Variants in EVA1C observed in about 807,000 individuals in gnomAD.
EVA1C encodes eva-1 homolog C, also known as protein eva-1 homolog C.
Under a neutral mutation model 45.4 loss-of-function variants are expected in EVA1C, and 25 were observed. The observed-to-expected ratio is 0.55, with a 90% CI of 0.40 to 0.77. EVA1C has a LOEUF of 0.77. Among genes scored for constraint, EVA1C ranks in the 30% least tolerant of loss-of-function variants. The pLI is 0.00. For missense variants in EVA1C, 479 were observed against 554.8 expected, an observed-to-expected ratio of 0.86 and a Z score of 1.37; for synonymous variants, 190 against 221.2, an observed-to-expected ratio of 0.86 and a Z score of 1.25.
intron 4 of EVA1C, 42 bp downstream of exon 4, chr21:32,467,890 G>A: frequency 7.1e-7 from 1 of 1,408,344 alleles, no homozygotes. Flanking sequence ...TTCTCTAGAG[G>A]GACAGAATTA....
chr21:32,446,629 C>G (rs1435415701), intron 1 of EVA1C, among the ~76,000 whole-genome samples: 1 of 152,188 alleles, frequency 6.6e-6, no homozygotes, highest in Non-Finnish European at 1.5e-5. Context: ...AGCAGCATGC[C>G]GGAAAGGGTG....
At chr21:32,441,631 C>A (rs2035177618) in intron 1 of EVA1C, among the ~76,000 whole-genome samples, 1 of 151,882 alleles carries the variant, frequency 6.6e-6, no homozygotes, top group East Asian at 1.9e-4. Context: ...CCGAGACAGC[C>A]ACGAAAATCT....
At chr21:32,450,297 G>T (rs547874575) in intron 1 of EVA1C, among the ~76,000 whole-genome samples, 1 of 152,220 alleles carries the variant, frequency 6.6e-6, no homozygotes, top group South Asian at 2.1e-4. Context: ...TCACGTGACA[G>T]TCTGTGGAGC....
At chr21:32,430,876 G>C (rs1173621424) in intron 1 of EVA1C, among the ~76,000 whole-genome samples, 2 of 148,888 alleles carry the variant, frequency 1.3e-5, no homozygotes, top group Non-Finnish European at 2.9e-5. Flanking sequence ...GGGAGGCTGA[G>C]GCACGAAAAT....
At chr21:32,436,673 G>A (rs1466542707) in intron 1 of EVA1C, among the ~76,000 whole-genome samples, 3 of 152,282 alleles carry the variant, frequency 2.0e-5, no homozygotes, top group Non-Finnish European at 4.4e-5. Flanking sequence ...CGCAGACTCC[G>A]TTGTGGACAT....
intron 1 of EVA1C, among the ~76,000 whole-genome samples, chr21:32,449,763 G>A (rs989918416): frequency 2.6e-5 from 4 of 151,622 alleles, no homozygotes; most frequent in Admixed American, 6.6e-5. Context: ...CTGGGATTAC[G>A]GGGGCGTGCC....
intron 1 of EVA1C, among the ~76,000 whole-genome samples, chr21:32,429,535 G>A (rs545292052): frequency 6.8e-4 from 102 of 150,550 alleles, no homozygotes; most frequent in Non-Finnish European, 1.2e-3. Flanking sequence ...TGTATTTTTA[G>A]TAGAGACAGG....
intron 4 of EVA1C, among the ~76,000 whole-genome samples, chr21:32,483,000 C>CTGCA (rs6147483): frequency 6.6e-6 from 1 of 152,106 alleles, no homozygotes; most frequent in Non-Finnish European, 1.5e-5. Flanking sequence ...GGACTACAGG[C>CTGCA]GCACACCATC....
chr21:32,447,416 T>C (rs571490549), intron 1 of EVA1C, among the ~76,000 whole-genome samples: 1 of 152,124 alleles, frequency 6.6e-6, no homozygotes, highest in Non-Finnish European at 1.5e-5. Flanking sequence ...CTAAGGGTCA[T>C]GTGCATATGT....
At chr21:32,426,621 A>G (rs1374204554) in intron 1 of EVA1C, among the ~76,000 whole-genome samples, 1 of 152,066 alleles carries the variant, frequency 6.6e-6, no homozygotes, top group East Asian at 1.9e-4. Context: ...ACTTATCAAG[A>G]TACGCTGGAG....
intron 4 of EVA1C, among the ~76,000 whole-genome samples, chr21:32,492,735 C>T (rs1176538262): frequency 1.3e-5 from 2 of 151,310 alleles, no homozygotes; most frequent in Non-Finnish European, 2.9e-5. Context: ...ACTTTATGAT[C>T]GTGTCCTTCA....
intron 3 of EVA1C, among the ~76,000 whole-genome samples, chr21:32,463,102 C>T (rs1020647213): frequency 3.9e-5 from 6 of 152,192 alleles, no homozygotes; most frequent in African/African-American, 1.4e-4. Flanking sequence ...CAGAATGACC[C>T]ACATAACCCT....
At chr21:32,441,556 T>C (rs2035174203) in intron 1 of EVA1C, among the ~76,000 whole-genome samples, 1 of 151,144 alleles carries the variant, frequency 6.6e-6, no homozygotes, top group Non-Finnish European at 1.5e-5. Context: ...CATGGGACTT[T>C]GGATTTTTCT....
At chr21:32,422,675 CA>C (rs929938489) in intron 1 of EVA1C, among the ~76,000 whole-genome samples, 2 of 152,018 alleles carry the variant, frequency 1.3e-5, no homozygotes, top group African/African-American at 4.8e-5. Context: ...GAGAAACAAA[CA>C]AACAAAAAAC....
Position 32,413,024 on chromosome 21 carries a change from C to A in EVA1C, c.160+11C>A. The A allele has an allele frequency of 7.2e-7, 1 of 1,396,578 alleles. No individual in the cohort carries two copies. Among genetic ancestry groups the A allele is most frequent in the East Asian group, 2.9e-5 (1 of 34,846 alleles). The allele number at this position is 1,396,578 out of a possible 1,614,324, so 86.5% of individuals were successfully genotyped here. On this transcript the variant is annotated intron_variant, in intron 1 of 7. Transcript: ENST00000300255. ...TCACCGACTTCTCTGGTAAGAGCGC[C>A]CTCCCTGGCTGTGTGCCCCCGGCAC...
chr21:32,467,449 C>A (rs1388480983), intron 3 of EVA1C, among the ~76,000 whole-genome samples: 1 of 152,192 alleles, frequency 6.6e-6, no homozygotes, highest in East Asian at 1.9e-4. Context: ...ACGCCAGCAC[C>A]TCTCCTCCAT....
At chr21:32,494,404 G>A (rs775147289) in intron 4 of EVA1C, among the ~76,000 whole-genome samples, 2 of 152,156 alleles carry the variant, frequency 1.3e-5, no homozygotes, top group African/African-American at 4.8e-5. Flanking sequence ...GGTAAAGGTC[G>A]TAAAAGAACC....
intron 7 of EVA1C, 28 bp downstream of exon 7, chr21:32,504,043 A>G: frequency 6.9e-7 from 1 of 1,445,892 alleles, no homozygotes. Flanking sequence ...AGCTTCCTAG[A>G]ATGCTGATGG....
intron 1 of EVA1C, among the ~76,000 whole-genome samples, chr21:32,418,805 G>T (rs1307378488): frequency 7.2e-5 from 11 of 152,230 alleles, no homozygotes; most frequent in Non-Finnish European, 4.4e-5. Flanking sequence ...AGTTCATGGG[G>T]TCATTGCTGC....
Sources: gnomAD v4.1 joint callset for allele counts (sites outside exome capture counted in the v4.1 genomes callset) on GRCh38, gnomAD v4.1.1 for gene constraint, MANE v1.5 for transcripts, NCBI Gene and HGNC (gene_info 2026-07-23, HGNC 2026-07-21) for gene names.